The following HTR1F variants were observed in gnomAD, a reference collection of about 807,000 sequenced individuals.
HTR1F encodes 5-hydroxytryptamine (serotonin) receptor 1F, G protein-coupled.
Under a neutral mutation model 24.0 loss-of-function variants are expected in HTR1F, and 17 were observed. The ratio of observed to expected loss-of-function variants is 0.71; its 90% CI spans 0.48 to 1.06. The LOEUF (loss-of-function observed/expected upper bound fraction) is 1.06. Among genes scored for constraint, HTR1F ranks in the 50% least tolerant of loss-of-function variants. HTR1F has a pLI of 0.00. For missense variants in HTR1F, 391 were observed against 427.8 expected (o/e 0.91, Z 0.76); for synonymous variants, 186 against 156.8 (o/e 1.19, Z -1.39).
chr3:87,924,262 T>C (rs1444959413), intron 2 of HTR1F, among the ~76,000 whole-genome samples: 2 of 152,098 alleles, frequency 1.3e-5, no homozygotes, highest in Non-Finnish European at 2.9e-5. Context: ...TTCAACTAGG[T>C]TTACCAATTT....
intron 1 of HTR1F, among the ~76,000 whole-genome samples, chr3:87,798,579 A>G (rs1343839552): frequency 1.3e-5 from 2 of 151,522 alleles, no homozygotes; most frequent in Non-Finnish European, 2.9e-5. Flanking sequence ...ATCTTTTCTC[A>G]GCTATCTTCC....
chr3:87,892,807 G>T (rs1245881527), intron 2 of HTR1F, among the ~76,000 whole-genome samples: 2 of 151,692 alleles, frequency 1.3e-5, no homozygotes, highest in Non-Finnish European at 2.9e-5. Flanking sequence ...TTTGCATCTG[G>T]ATCTCTTGGG....
intron 2 of HTR1F, among the ~76,000 whole-genome samples, chr3:87,865,311 T>A (rs984176422): frequency 6.6e-6 from 1 of 152,186 alleles, no homozygotes; most frequent in Admixed American, 6.5e-5. Context: ...AAAATATTTT[T>A]ATTGAAATTT....
chr3:87,887,063 T>C (rs1222353980), intron 2 of HTR1F, among the ~76,000 whole-genome samples: 1 of 152,168 alleles, frequency 6.6e-6, no homozygotes, highest in Non-Finnish European at 1.5e-5. Flanking sequence ...TCACACTACC[T>C]GACTTCAAAC....
chr3:87,853,562 T>C (rs1003404648), intron 2 of HTR1F, among the ~76,000 whole-genome samples: 2 of 152,168 alleles, frequency 1.3e-5, no homozygotes, highest in African/African-American at 4.8e-5. Flanking sequence ...GTAGAACAAT[T>C]CATATTCCTT....
chr3:87,955,004 T>A (rs1704913562), intron 2 of HTR1F, among the ~76,000 whole-genome samples: 1 of 151,376 alleles, frequency 6.6e-6, no homozygotes, highest in East Asian at 1.9e-4. Context: ...CCCTGCTTTA[T>A]TGTCTCAGTT....
At chr3:87,959,771 T>G (rs1288055448) in intron 2 of HTR1F, among the ~76,000 whole-genome samples, 1 of 143,188 alleles carries the variant, frequency 7.0e-6, no homozygotes, top group Non-Finnish European at 1.5e-5. Flanking sequence ...CCATGGGTTT[T>G]TTTTTTTTTT....
intron 2 of HTR1F, among the ~76,000 whole-genome samples, chr3:87,985,769 TATA>T (rs1200806662): frequency 1.3e-5 from 2 of 152,230 alleles, no homozygotes; most frequent in Non-Finnish European, 2.9e-5. Flanking sequence ...CTATTTACAA[TATA>T]AAATGAATTA....
chr3:87,820,955 A>G (rs1309695927), intron 1 of HTR1F, among the ~76,000 whole-genome samples: 1 of 152,180 alleles, frequency 6.6e-6, no homozygotes, highest in Non-Finnish European at 1.5e-5. Flanking sequence ...GAATATGTCA[A>G]ATCAACTATC....
At chr3:87,945,294 TA>T (rs931453561) in intron 2 of HTR1F, among the ~76,000 whole-genome samples, 10 of 152,098 alleles carry the variant, frequency 6.6e-5, no homozygotes, top group African/African-American at 2.2e-4. Context: ...CCTAGATGCC[TA>T]AGGACACAGC....
chr3:87,935,495 G>C (rs1488254018), intron 2 of HTR1F, among the ~76,000 whole-genome samples: 1 of 148,260 alleles, frequency 6.7e-6, no homozygotes, highest in South Asian at 2.1e-4. Flanking sequence ...TCCACTAAAT[G>C]AGAAACAAAG....
At chr3:87,848,256 C>T (rs1704992456) in intron 2 of HTR1F, among the ~76,000 whole-genome samples, 1 of 151,810 alleles carries the variant, frequency 6.6e-6, no homozygotes, top group East Asian at 1.9e-4. Context: ...TTGCATTTCC[C>T]TGGAGATTAC....
intron 2 of HTR1F, among the ~76,000 whole-genome samples, chr3:87,851,437 G>C (rs905451196): frequency 6.6e-6 from 1 of 151,384 alleles, no homozygotes; most frequent in Non-Finnish European, 1.5e-5. Flanking sequence ...TTCACTCCCA[G>C]ATGGTAATCT....
chr3:87,915,025 C>T (rs1191064731), intron 2 of HTR1F, among the ~76,000 whole-genome samples: 1 of 152,096 alleles, frequency 6.6e-6, no homozygotes, highest in East Asian at 1.9e-4. Flanking sequence ...CAGGACTCTG[C>T]TGTGCAGACG....
intron 2 of HTR1F, among the ~76,000 whole-genome samples, chr3:87,870,077 A>G (rs1705521752): frequency 6.6e-6 from 1 of 152,120 alleles, no homozygotes; most frequent in Admixed American, 6.6e-5. Context: ...GAAACACTTT[A>G]TTCTTAAAGG....
At chr3:87,848,410 A>T (rs775227780) in intron 2 of HTR1F, among the ~76,000 whole-genome samples, 5 of 151,554 alleles carry the variant, frequency 3.3e-5, no homozygotes, top group South Asian at 2.1e-4. Context: ...TACATTTTGG[A>T]TATTCCATGC....
rs370152361 is a variant in HTR1F at position 87,873,133 on chromosome 3, C to CACAG, written c.-43+51010_-43+51011insCAGA. The stretch of plus-strand genomic sequence containing the variant: ...ACACACACACACACACACACACACA[C>CACAG]AGAGAGATTTATGAGATTTATTATA... On this transcript the variant is annotated intron_variant, in intron 2 of 2. Coordinates refer to ENST00000319595, the MANE Select transcript of HTR1F (RefSeq NM_001322209.2). Among the ~76,000 whole-genome samples, 192 of 130,304 alleles carry CACAG rather than the reference C, an allele frequency of 1.5e-3. 1 individual carries two copies. The highest frequency in any genetic ancestry group is 4.1e-3 in the African/African-American group (156 of 38,150). The allele number at this position is 130,304 out of a possible 152,430, so 85.5% of individuals were successfully genotyped here. A position where few individuals can be genotyped will look rare whatever the true frequency, so the allele number is the denominator to read the frequency against.
intron 1 of HTR1F, among the ~76,000 whole-genome samples, chr3:87,818,232 C>T (rs921181066): frequency 6.6e-6 from 1 of 152,068 alleles, no homozygotes; most frequent in Non-Finnish European, 1.5e-5. Context: ...TTTTTTCTAG[C>T]ATTTACATTA....
intron 2 of HTR1F, among the ~76,000 whole-genome samples, chr3:87,872,178 G>A (rs1705572914): frequency 6.6e-6 from 1 of 151,906 alleles, no homozygotes; most frequent in African/African-American, 2.4e-5. Flanking sequence ...GAAAAAAATC[G>A]CTAAGAAAGT....
Sources: gnomAD v4.1 joint callset for allele counts (sites outside exome capture counted in the v4.1 genomes callset) on GRCh38, gnomAD v4.1.1 for gene constraint, MANE v1.5 for transcripts, NCBI Gene and HGNC (gene_info 2026-07-23, HGNC 2026-07-21) for gene names.